The following SOX5 variants were observed in gnomAD, a reference collection of about 807,000 sequenced individuals.
SOX5 encodes the protein transcription factor SOX-5.
In SOX5, 9 loss-of-function variants were observed where a neutral mutation model predicts 92.0. The ratio of observed to expected loss-of-function variants is 0.10; its 90% CI spans 0.06 to 0.17. SOX5 has a LOEUF of 0.17. Ranked by LOEUF, SOX5 falls within the 10% of genes least tolerant of loss-of-function variation. The probability of loss-of-function intolerance (pLI) is 1.00; values close to 1 mark genes in which losing one functional copy is unlikely to be tolerated. For missense variants in SOX5, 642 were observed against 944.5 expected (o/e 0.68, Z 4.20); for synonymous variants, 344 against 336.3 (o/e 1.02, Z -0.25).
At chr12:24,388,265 G>A (rs964788485) in intron 1 of SOX5, among the ~76,000 whole-genome samples, 58 of 152,156 alleles carry the variant, frequency 3.8e-4, no homozygotes, top group African/African-American at 1.3e-3. Flanking sequence ...ACATCCAGAT[G>A]CAAGCTCGAC....
At chr12:24,056,083 A>G (rs778156118) in intron 4 of SOX5, among the ~76,000 whole-genome samples, 1 of 152,192 alleles carries the variant, frequency 6.6e-6, no homozygotes, top group Non-Finnish European at 1.5e-5. Flanking sequence ...TTTACCTAGG[A>G]GGGTTAAACA....
chr12:24,410,678 T>G (rs1457063084), intron 1 of SOX5, among the ~76,000 whole-genome samples: 1 of 152,246 alleles, frequency 6.6e-6, no homozygotes, highest in African/African-American at 2.4e-5. Flanking sequence ...AAGTGTCTAT[T>G]CCTCTGCAAA....
intron 1 of SOX5, among the ~76,000 whole-genome samples, chr12:24,420,736 A>G (rs1199897722): frequency 6.6e-6 from 1 of 152,144 alleles, no homozygotes; most frequent in Non-Finnish European, 1.5e-5. Flanking sequence ...CTACTTTGCA[A>G]CCCCTAATAA....
chr12:24,248,494 C>A (rs1328643493), intron 3 of SOX5, among the ~76,000 whole-genome samples: 1 of 152,172 alleles, frequency 6.6e-6, no homozygotes, highest in Non-Finnish European at 1.5e-5. Context: ...AAGTGATTCT[C>A]CTGCCTCAGC....
chr12:24,441,561 T>C (rs1017130751), intron 1 of SOX5, among the ~76,000 whole-genome samples: 10 of 152,146 alleles, frequency 6.6e-5, no homozygotes, highest in African/African-American at 2.4e-4. Context: ...TTTTCCCCTT[T>C]ATAAAGTGGC....
At chr12:23,697,239 G>A (rs933172250) in intron 6 of SOX5, among the ~76,000 whole-genome samples, 4 of 152,032 alleles carry the variant, frequency 2.6e-5, no homozygotes, top group African/African-American at 9.7e-5. Flanking sequence ...GTAATTTGAA[G>A]CTCTACTATT....
At chr12:23,688,668 A>G (rs1220277915) in intron 6 of SOX5, among the ~76,000 whole-genome samples, 1 of 152,094 alleles carries the variant, frequency 6.6e-6, no homozygotes, top group Non-Finnish European at 1.5e-5. Context: ...ACACTGCCCA[A>G]GTAATTGCTA....
intron 6 of SOX5, among the ~76,000 whole-genome samples, chr12:23,687,785 A>G (rs1269442243): frequency 1.3e-5 from 2 of 152,032 alleles, no homozygotes; most frequent in Admixed American, 6.6e-5. Context: ...TTACAGCTGC[A>G]TACCACATAT....
At chr12:24,371,029 A>G (rs893595820) in intron 1 of SOX5, among the ~76,000 whole-genome samples, 1 of 152,338 alleles carries the variant, frequency 6.6e-6, no homozygotes, top group South Asian at 2.1e-4. Flanking sequence ...TATTCCATGA[A>G]TAGGTTATAT....
intron 3 of SOX5, among the ~76,000 whole-genome samples, chr12:24,259,225 CGA>C (rs1177839458): frequency 6.6e-6 from 1 of 151,726 alleles, no homozygotes; most frequent in Non-Finnish European, 1.5e-5. Flanking sequence ...AGAGAGCGAG[CGA>C]GAGAGAGAGC....
At chr12:24,203,061 C>T (rs1565647841) in intron 4 of SOX5, among the ~76,000 whole-genome samples, 1 of 152,082 alleles carries the variant, frequency 6.6e-6, no homozygotes, top group South Asian at 2.1e-4. Context: ...TTTCTATTTC[C>T]ATCATTCCTC....
chr12:24,024,414 A>G (rs1030974979), intron 4 of SOX5, among the ~76,000 whole-genome samples: 1 of 152,054 alleles, frequency 6.6e-6, no homozygotes, highest in Non-Finnish European at 1.5e-5. Flanking sequence ...ACTGTATCAC[A>G]TTAACTGAAA....
intron 3 of SOX5, among the ~76,000 whole-genome samples, chr12:23,780,133 C>A (rs2095244420): frequency 6.6e-6 from 1 of 151,710 alleles, no homozygotes; most frequent in Admixed American, 6.6e-5. Flanking sequence ...ATTATCTGTG[C>A]AATCTGAATA....
At chr12:23,993,952 CATAA>C (rs1432427489) in intron 4 of SOX5, among the ~76,000 whole-genome samples, 9 of 151,386 alleles carry the variant, frequency 5.9e-5, no homozygotes, top group East Asian at 1.9e-4. Flanking sequence ...TGTATGTATA[CATAA>C]ATAAATAAAT....
chr12:24,388,350 T>G (rs1389346517), intron 1 of SOX5, among the ~76,000 whole-genome samples: 2 of 148,636 alleles, frequency 1.3e-5, no homozygotes, highest in Non-Finnish European at 2.9e-5. Context: ...TCCAGGCTTC[T>G]GATTGGGTTT....
At chr12:24,472,793 TA>T (rs1466660959) in intron 1 of SOX5, among the ~76,000 whole-genome samples, 1 of 152,030 alleles carries the variant, frequency 6.6e-6, no homozygotes, top group African/African-American at 2.4e-5. Flanking sequence ...ATATGCTAAC[TA>T]ATATGCTATA....
At chr12:23,976,705 AG>A (rs1417540374) in intron 4 of SOX5, among the ~76,000 whole-genome samples, 2 of 152,186 alleles carry the variant, frequency 1.3e-5, no homozygotes, top group Non-Finnish European at 2.9e-5. Context: ...TACTACAAAG[AG>A]TCCCTTTTAT....
chr12:23,765,385 CAAAAAA>C lies in SOX5; in HGVS notation c.482-9667_482-9662del, dbSNP rs373571301. ...CTGTGAAGTCAAAAGTGTAAAACAG[CAAAAAA>C]AAAAAAAAAAAAAAAAAAAAGAGTT... On this transcript the variant is annotated intron_variant, in intron 3 of 14. Transcript: ENST00000451604. 1.6e-4 allele frequency among the ~76,000 whole-genome samples: 5 copies of C among 31,432 alleles called. No individual in the cohort carries two copies. In the Admixed American group the frequency reaches 1.9e-3, roughly 12 times the overall value. 20.6% of individuals were successfully genotyped at this position (31,432 alleles called of 152,430 possible).
intron 4 of SOX5, among the ~76,000 whole-genome samples, chr12:23,992,494 T>G (rs930688858): frequency 2.6e-5 from 4 of 152,286 alleles, no homozygotes; most frequent in African/African-American, 9.6e-5. Context: ...TGTGAATTTC[T>G]AAAATAATAA....
Sources: gnomAD v4.1 joint callset for allele counts (sites outside exome capture counted in the v4.1 genomes callset) on GRCh38, gnomAD v4.1.1 for gene constraint, MANE v1.5 for transcripts, NCBI Gene and HGNC (gene_info 2026-07-23, HGNC 2026-07-21) for gene names.